Variants in C5orf34 observed in about 807,000 individuals in gnomAD.
C5orf34 encodes the protein uncharacterized protein C5orf34.
A neutral mutation model predicts 78.4 loss-of-function variants in C5orf34; 73 were observed. The ratio of observed to expected loss-of-function variants is 0.93; its 90% CI spans 0.77 to 1.13. The LOEUF is 1.13. Among genes scored for constraint, C5orf34 ranks in the 50% most tolerant of loss-of-function variants. The pLI is 0.00. For synonymous variants in C5orf34, 251 were observed against 246.6 expected (o/e 1.02, Z -0.17); for missense variants, 730 against 732.7 (o/e 1.00, Z 0.04).
At chr5:43,490,981 A>G (rs1283755416) in intron 10 of C5orf34, among the ~76,000 whole-genome samples, 1 of 152,174 alleles carries the variant, frequency 6.6e-6, no homozygotes, top group Non-Finnish European at 1.5e-5. Context: ...AAGAATCAAA[A>G]TAAAGGCGAT....
At position 43,505,982 on chromosome 5, in the gene C5orf34, CAT is replaced by C. The variant is rs765817403; in HGVS notation, c.696_697del (p.Val234IlefsTer29). On this transcript the variant is annotated frameshift_variant, in exon 4 of 13. Transcript: ENST00000306862. LOFTEE classifies it high-confidence loss of function. Reference sequence around the variant, plus strand: ...GCACTGCTTGACCCATGTGTATACACATGTGTGCTTTGTACCAGGCGAAGGCA... The same window carrying C: ...GCACTGCTTGACCCATGTGTATACACGTGTGCTTTGTACCAGGCGAAGGCA... 32 of 1,614,102 alleles carry C rather than the reference CAT, an allele frequency of 2.0e-5. No individual in the cohort carries two copies. The highest frequency in any genetic ancestry group is 5.3e-5 in the African/African-American group (4 of 74,934).
intron 2 of C5orf34, 125 bp from the exon 3 acceptor site, chr5:43,508,791 T>A (rs1443479026): frequency 4.3e-6 from 3 of 699,868 alleles, no homozygotes; most frequent in Non-Finnish European, 7.3e-6. Flanking sequence ...AACAGTATTT[T>A]GGTATTCAAA....
At chr5:43,505,394 C>A (rs1362250494) in intron 4 of C5orf34, among the ~76,000 whole-genome samples, 1 of 152,172 alleles carries the variant, frequency 6.6e-6, no homozygotes, top group Non-Finnish European at 1.5e-5. Context: ...CCCACAGAGC[C>A]CTGTGCAGAC....
intron 6 of C5orf34, among the ~76,000 whole-genome samples, chr5:43,500,559 C>A (rs1745716097): frequency 6.6e-6 from 1 of 152,104 alleles, no homozygotes; most frequent in African/African-American, 2.4e-5. Context: ...CCATGCCTGG[C>A]TAATTTTTGT....
At chr5:43,496,476 T>TCACAA in intron 6 of C5orf34, 1 of 1,546,604 alleles carries the variant, frequency 6.5e-7, no homozygotes, top group Non-Finnish European at 8.7e-7. Context: ...GGGGTAGTTT[T>TCACAA]CACAACACCT....
At chr5:43,500,480 C>T (rs1745711439) in intron 6 of C5orf34, among the ~76,000 whole-genome samples, 1 of 152,148 alleles carries the variant, frequency 6.6e-6, no homozygotes, top group Non-Finnish European at 1.5e-5. Flanking sequence ...ACTGCAACCT[C>T]CACCTCCCAG....
chr5:43,499,709 A>G (rs1745679999), intron 6 of C5orf34, among the ~76,000 whole-genome samples: 1 of 151,976 alleles, frequency 6.6e-6, no homozygotes, highest in South Asian at 2.1e-4. Context: ...AAAAGATATC[A>G]TTGTACGTGT....
At chr5:43,498,228 C>T (rs919932652) in intron 6 of C5orf34, among the ~76,000 whole-genome samples, 1 of 152,190 alleles carries the variant, frequency 6.6e-6, no homozygotes, top group African/African-American at 2.4e-5. Flanking sequence ...ACATGGGAAG[C>T]ACTCAAAATA....
chr5:43,510,358 A>G (rs1434320859), intron 1 of C5orf34, among the ~76,000 whole-genome samples: 1 of 152,174 alleles, frequency 6.6e-6, no homozygotes, highest in Non-Finnish European at 1.5e-5. Context: ...CTCTACCTCT[A>G]AAGTACTATG....
intron 5 of C5orf34, among the ~76,000 whole-genome samples, chr5:43,503,289 C>G (rs1193270682): frequency 1.3e-5 from 2 of 152,194 alleles, no homozygotes; most frequent in African/African-American, 4.8e-5. Context: ...CTTAGGTGAT[C>G]TAACTTCTCT....
rs1745502274 is a variant in C5orf34, at chr5:43,496,013, A to C, written c.1153-1412T>G. ...GGAATCCATTTTGTTAACACCAACA[A>C]TTAGTTGTTTCACACCCAGTGTGTA... On this transcript the variant is annotated intron_variant, in intron 6 of 12. Coordinates refer to ENST00000306862, the MANE Select transcript of C5orf34 (RefSeq NM_198566.4). 27 of 1,591,242 alleles carry C rather than the reference A, an allele frequency of 1.7e-5. No individual in the cohort carries two copies. In the South Asian group the frequency reaches 3.0e-4, roughly 18 times the overall value.
At chr5:43,495,494 C>T (rs999812053) in intron 6 of C5orf34, 20 of 1,607,794 alleles carry the variant, frequency 1.2e-5, no homozygotes, top group Admixed American at 3.3e-5. Context: ...AACGTTGCCA[C>T]GACGAACATC....
rs1745316498 is a variant in C5orf34 at position 43,492,282 on chromosome 5, A to G, written c.1513T>C (p.Cys505Arg). ...TGTCCATCAGGAAAAGTTAACTTACACCAACCTAAGTTAAGACCTTGATTT... is the reference window on the plus strand; with the variant it reads ...TGTCCATCAGGAAAAGTTAACTTACGCCAACCTAAGTTAAGACCTTGATTT... ...QVNQGLNLGW[C>R]KLTFPDGQEQ... The change falls in exon 10 of 13, where the codon TGT (cysteine) becomes CGT (arginine). Residue 505 changes from cysteine to arginine, a missense_variant. Coordinates refer to ENST00000306862, the MANE Select transcript of C5orf34 (RefSeq NM_198566.4). 2.5e-6 allele frequency: 4 copies of G among 1,610,672 alleles called. No individual in the cohort carries two copies. The highest frequency in any genetic ancestry group is 3.4e-6 in the Non-Finnish European group (4 of 1,177,720).
At chr5:43,512,760 C>CTTTTTTTTTTTT (rs58813772) in intron 1 of C5orf34, among the ~76,000 whole-genome samples, 6 of 72,880 alleles carry the variant, frequency 8.2e-5, no homozygotes, top group African/African-American at 3.3e-4. Context: ...CCCACCTTGT[C>CTTTTTTTTTTTT]TTTTTTTTTT....
At chr5:43,493,939 G>A (rs1376631994) in intron 7 of C5orf34, among the ~76,000 whole-genome samples, 1 of 152,100 alleles carries the variant, frequency 6.6e-6, no homozygotes, top group African/African-American at 2.4e-5. Flanking sequence ...AAAAATGGTA[G>A]GGATGTGAAT....
At chr5:43,495,783 T>G in intron 6 of C5orf34, 1 of 1,579,746 alleles carries the variant, frequency 6.3e-7, no homozygotes, top group Non-Finnish European at 8.7e-7. Context: ...AGCAGCATGG[T>G]GCCGCTGGCA....
rs1745620133 is a variant in C5orf34 at position 43,498,205 on chromosome 5, C to T, written c.1153-3604G>A. 5.3e-5 allele frequency among the ~76,000 whole-genome samples: 8 copies of T among 152,212 alleles called. 1 individual carries two copies. In the South Asian group the frequency reaches 1.4e-3, roughly 28 times the overall value. On this transcript the variant is annotated intron_variant, in intron 6 of 12. Transcript: ENST00000306862. ...TGTCTGTATCATTATCATTTATTAG[C>T]ACAGTGCTTAGCACATGGGAAGCAC... is the stretch of plus-strand genomic sequence containing the variant.
Position 43,492,728 on chromosome 5 carries a change from T to A in C5orf34, c.1477A>T (p.Lys493Ter). Residue 493 changes from lysine to a stop codon, truncating the protein, a stop_gained, in exon 9 of 13, where the codon AAG becomes TAG. Transcript: ENST00000306862. LOFTEE classifies it high-confidence loss of function. ...LNWNFSSPIE[K>*]RQVNQGLNLG... ...GTCTGAAGTATACCCACCTGTCTCT[T>A]CTCAATAGGAGAGCTGAAATTCCAA... 6.2e-7 allele frequency: 1 copy of A among 1,611,530 alleles called. No homozygotes were observed. Among genetic ancestry groups the A allele is most frequent in the South Asian group, 1.1e-5 (1 of 90,766 alleles).
Position 43,486,950 on chromosome 5 carries a change from C to A in C5orf34, c.1882G>T (p.Asp628Tyr). 6.4e-7 allele frequency: 1 copy of A among 1,554,530 alleles called. No individual in the cohort carries two copies. Among genetic ancestry groups the A allele is most frequent in the Non-Finnish European group, 8.7e-7 (1 of 1,155,820 alleles). ...GAGTTTGATAGAAGACAGTCAATAT[C>A]GTGAAGGATTTCAGAGGTTTTTTTC... ...ALKKTSEILHDIDCLLSNSKK is the reference protein window; with the variant it reads ...ALKKTSEILHYIDCLLSNSKK The change falls in exon 13 of 13, where the codon GAT becomes TAT. Residue 628 changes from aspartate (D) to tyrosine (Y), a missense_variant. Asp to Tyr is a radical substitution (Grantham distance 160, BLOSUM62 -3). Transcript: ENST00000306862.
Sources: allele counts gnomAD v4.1 joint callset (sites outside exome capture counted in the v4.1 genomes callset), GRCh38; gene constraint gnomAD v4.1.1; transcripts MANE v1.5; gene names NCBI Gene and HGNC (gene_info 2026-07-23, HGNC 2026-07-21).